TBCD: variants seen among roughly 807,000 people sequenced by gnomAD.
The protein encoded by TBCD is tubulin folding cofactor D.
Under a neutral mutation model 169.3 loss-of-function variants are expected in TBCD, and 105 were observed. The ratio of observed to expected loss-of-function variants is 0.62; its 90% CI spans 0.53 to 0.73. The LOEUF is 0.73. TBCD is among the 30% of genes least tolerant of loss of function. The probability of loss-of-function intolerance (pLI) is 0.00; values close to 1 mark genes in which losing one functional copy is unlikely to be tolerated. For missense variants in TBCD, 1,444 were observed against 1,600.1 expected (o/e 0.90, Z 1.66); for synonymous variants, 700 against 643.9 (o/e 1.09, Z -1.32).
At chr17:82,781,280 T>C (rs1360376609) in intron 6 of TBCD, among the ~76,000 whole-genome samples, 2 of 39,558 alleles carry the variant, frequency 5.1e-5, no homozygotes, top group Non-Finnish European at 9.4e-5. Context: ...CTGGCGGTGA[T>C]GGGGACAGGT....
At chr17:82,777,340 G>A (rs2048661374) in intron 6 of TBCD, among the ~76,000 whole-genome samples, 1 of 152,174 alleles carries the variant, frequency 6.6e-6, no homozygotes, top group African/African-American at 2.4e-5. Flanking sequence ...CCCTGTGTGT[G>A]GAGATGAGAG....
rs978962087 is a variant in TBCD at position 82,753,995 on chromosome 17, G to A, written c.184+1618G>A. 2.7e-5 allele frequency among the ~76,000 whole-genome samples: 4 copies of A among 150,704 alleles called. No homozygotes were observed. In the Admixed American group the frequency reaches 2.7e-4, roughly 10 times the overall value. On this transcript the variant is annotated intron_variant, in intron 1 of 38. Coordinates refer to ENST00000355528, the MANE Select transcript of TBCD (RefSeq NM_005993.5). Reference sequence around the variant, plus strand: ...AGGTTCAAGTGATTCTCCTGCCTCAGCCTCCCGAGTAGCTGGGACTACAGG... The same window carrying A: ...AGGTTCAAGTGATTCTCCTGCCTCAACCTCCCGAGTAGCTGGGACTACAGG...
chr17:82,928,886 C>T (rs2061976888), intron 30 of TBCD, among the ~76,000 whole-genome samples: 1 of 152,112 alleles, frequency 6.6e-6, no homozygotes, highest in Admixed American at 6.5e-5. Flanking sequence ...CATGTATTTG[C>T]TGCGCACCTG....
At chr17:82,849,184 G>A (rs546881805) in intron 13 of TBCD, among the ~76,000 whole-genome samples, 42 of 79,094 alleles carry the variant, frequency 5.3e-4, no homozygotes, top group African/African-American at 1.8e-3. Context: ...TGCCTGCTGC[G>A]TCTTCTCACC....
rs201580836 is a variant in TBCD at position 82,926,502 on chromosome 17, A to G, written c.2471+11A>G. 106 of 1,612,594 alleles carry G rather than the reference A, an allele frequency of 6.6e-5. No homozygotes were observed. The Admixed American group carries it at 9.8e-4, about 15-fold the overall frequency. On this transcript the variant is annotated intron_variant, in intron 28 of 38. Transcript: ENST00000355528. ...GAAGGCCATTGCGAGGTGAGTCCCA[A>G]CAGTTCCTCCCTAAAGTCGTAAGTC...
intron 2 of TBCD, among the ~76,000 whole-genome samples, chr17:82,757,082 A>C (rs1057200668): frequency 6.6e-6 from 1 of 152,092 alleles, no homozygotes; most frequent in Non-Finnish European, 1.5e-5. Flanking sequence ...CTGGCAGTTC[A>C]CCTGGGAAAG....
chr17:82,803,539 T>C (rs558675769), intron 9 of TBCD, among the ~76,000 whole-genome samples: 19 of 152,210 alleles, frequency 1.2e-4, no homozygotes, highest in Non-Finnish European at 2.8e-4. Flanking sequence ...CCCCCACATA[T>C]GAGCCCTCCA....
intron 2 of TBCD, 84 bp from the exon 3 acceptor site, chr17:82,763,881 A>G: frequency 8.8e-7 from 1 of 1,136,650 alleles, no homozygotes; most frequent in Non-Finnish European, 1.3e-6. Context: ...CTGGGAAAAC[A>G]GGCATGAGCC....
intron 2 of TBCD, among the ~76,000 whole-genome samples, chr17:82,761,094 G>A (rs867799767): frequency 6.6e-6 from 1 of 152,002 alleles, no homozygotes; most frequent in Non-Finnish European, 1.5e-5. Context: ...TGAGTAGCTG[G>A]GATTACAGGC....
chr17:82,873,533 C>T lies in TBCD; in HGVS notation c.1475+3153C>T, dbSNP rs566306703. ...CAACTGTCCGAACAAATCAAGTCCC[C>T]GCTACTGGACGGGGCTGGCAGCTCA... is the stretch of plus-strand genomic sequence containing the variant. On this transcript the variant is annotated intron_variant, in intron 14 of 38. Coordinates refer to ENST00000355528, the MANE Select transcript of TBCD (RefSeq NM_005993.5). Among the ~76,000 whole-genome samples the T allele has an allele frequency of 3.6e-4, 55 of 152,288 alleles. No homozygotes were observed. The South Asian group carries it at 9.8e-3, about 27-fold the overall frequency.
intron 7 of TBCD, among the ~76,000 whole-genome samples, chr17:82,791,115 G>A (rs1190426596): frequency 6.4e-5 from 8 of 124,320 alleles, no homozygotes; most frequent in Admixed American, 1.8e-4. Context: ...TTTTTTAGAC[G>A]GAGTCTCGCT....
intron 14 of TBCD, among the ~76,000 whole-genome samples, chr17:82,881,582 C>T (rs539627879): frequency 2.6e-5 from 4 of 152,302 alleles, no homozygotes; most frequent in African/African-American, 9.6e-5. Flanking sequence ...CTGCTTGAGC[C>T]TTGGGGTACC....
chr17:82,786,909 G>A (rs1269319949), intron 7 of TBCD, among the ~76,000 whole-genome samples: 3 of 118,358 alleles, frequency 2.5e-5, no homozygotes, highest in African/African-American at 3.2e-5. Flanking sequence ...TGGGAGACAC[G>A]TGTTGCACAG....
At chr17:82,856,961 C>T (rs1344933906) in intron 13 of TBCD, among the ~76,000 whole-genome samples, 2 of 150,930 alleles carry the variant, frequency 1.3e-5, no homozygotes, top group Admixed American at 6.6e-5. Context: ...GGACCGCGTG[C>T]GGACCCTCGG....
Position 82,756,023 on chromosome 17 carries a change from G to T in TBCD, c.185-142G>T, listed in dbSNP as rs2047383771. 5 of 738,536 alleles carry T rather than the reference G, an allele frequency of 6.8e-6. No homozygotes were observed. In the South Asian group the frequency reaches 8.5e-5, roughly 12 times the overall value. 45.7% of individuals were successfully genotyped at this position (738,536 alleles called of 1,614,324 possible). A position where few individuals can be genotyped will look rare whatever the true frequency, so the allele number is the denominator to read the frequency against. On this transcript the variant is annotated intron_variant, in intron 1 of 38. Transcript: ENST00000355528. ...CAGGTGGCCTGTGTGGCCTCCTTTAGTGAGAGGGGAGGTGTGCTCTTGAGA... is the reference window on the plus strand; with the variant it reads ...CAGGTGGCCTGTGTGGCCTCCTTTATTGAGAGGGGAGGTGTGCTCTTGAGA...
rs190675278 is a variant in TBCD, at chr17:82,797,182, G to C, written c.772-575G>C. 2.1e-3 allele frequency among the ~76,000 whole-genome samples: 322 copies of C among 152,350 alleles called. 1 individual carries two copies. The highest frequency in any genetic ancestry group is 7.5e-3 in the African/African-American group (313 of 41,582). The stretch of plus-strand genomic sequence containing the variant: ...TTCAGGAGGGCTAGAACCAGTGTTT[G>C]AGAGAAAATCTGATATTCCTGTTTG... On this transcript the variant is annotated intron_variant, in intron 7 of 38. Coordinates refer to ENST00000355528, the MANE Select transcript of TBCD (RefSeq NM_005993.5).
intron 35 of TBCD, 59 bp downstream of exon 35, chr17:82,937,419 G>T: frequency 6.7e-7 from 1 of 1,488,418 alleles, no homozygotes. Flanking sequence ...TCCCTTGGCT[G>T]AGGGCAGGAG....
intron 1 of TBCD, among the ~76,000 whole-genome samples, chr17:82,754,527 T>G (rs1000375890): frequency 6.6e-6 from 1 of 152,238 alleles, no homozygotes. Flanking sequence ...GGTTACGCCT[T>G]AGCGGAATTC....
At chr17:82,924,509 C>T (rs2061603996) in intron 26 of TBCD, among the ~76,000 whole-genome samples, 1 of 152,248 alleles carries the variant, frequency 6.6e-6, no homozygotes, top group South Asian at 2.1e-4. Flanking sequence ...GTCACATGCA[C>T]ATATGTTGGC....
Sources: gnomAD v4.1 joint callset for allele counts (sites outside exome capture counted in the v4.1 genomes callset) on GRCh38, gnomAD v4.1.1 for gene constraint, MANE v1.5 for transcripts, NCBI Gene and HGNC (gene_info 2026-07-23, HGNC 2026-07-21) for gene names.